Variants in GRIA2 observed in about 807,000 individuals in gnomAD.
The protein encoded by GRIA2 is glutamate receptor 2.
In GRIA2, 14 loss-of-function variants were observed where a neutral mutation model predicts 97.3. The ratio of observed to expected loss-of-function variants is 0.14; its 90% confidence interval spans 0.10 to 0.23. The LOEUF is 0.23. GRIA2 is among the 10% of genes least tolerant of loss of function. The pLI is 1.00. For synonymous variants in GRIA2, 412 were observed against 387.8 expected, an observed-to-expected ratio of 1.06 and a Z score of -0.73; for missense variants, 558 against 1,069.8, an observed-to-expected ratio of 0.52 and a Z score of 6.67.
intron 5 of GRIA2, among the ~76,000 whole-genome samples, chr4:157,318,470 G>C (rs990301400): frequency 6.6e-6 from 1 of 151,950 alleles, no homozygotes; most frequent in South Asian, 2.1e-4. Context: ...GTCAAAATAA[G>C]GACCACTTAA....
chr4:157,322,856 C>T (rs1734636966), intron 6 of GRIA2, among the ~76,000 whole-genome samples: 1 of 152,140 alleles, frequency 6.6e-6, no homozygotes. Flanking sequence ...AGGTGCATGA[C>T]TGTCTATGAG....
At chr4:157,323,427 G>GGATA (rs1734672951) in intron 6 of GRIA2, among the ~76,000 whole-genome samples, 2 of 148,336 alleles carry the variant, frequency 1.3e-5, no homozygotes, top group Non-Finnish European at 3.0e-5. Context: ...GCAGGTAGAT[G>GGATA]GATACCCAGA....
chr4:157,297,495 TC>T lies in GRIA2; in HGVS notation c.230-6054del, dbSNP rs374754200. Among the ~76,000 whole-genome samples, 91 of 152,310 alleles carry T rather than the reference TC, an allele frequency of 6.0e-4. No homozygotes were observed. In the East Asian group the frequency reaches 0.011, roughly 18 times the overall value. Reference sequence around the variant, plus strand: ...TTATGTTTACTTTAATACTTCCCTGTCCCACAATGAGGCAGGTAGGTAATAT... The same window carrying T: ...TTATGTTTACTTTAATACTTCCCTGTCCACAATGAGGCAGGTAGGTAATAT... On this transcript the variant is annotated intron_variant, in intron 2 of 15. Transcript: ENST00000264426.
intron 2 of GRIA2, among the ~76,000 whole-genome samples, chr4:157,302,239 G>C (rs936414326): frequency 6.6e-6 from 1 of 151,608 alleles, no homozygotes. Flanking sequence ...ACTGTTCTGC[G>C]GATCGTCAGT....
At chr4:157,325,387 G>A (rs902206001) in intron 6 of GRIA2, among the ~76,000 whole-genome samples, 1 of 151,882 alleles carries the variant, frequency 6.6e-6, no homozygotes, top group Non-Finnish European at 1.5e-5. Flanking sequence ...TGCTATTTGG[G>A]GCAACATTCA....
chr4:157,232,795 G>A lies in GRIA2; in HGVS notation c.229+10988G>A, dbSNP rs142746772. On this transcript the variant is annotated intron_variant, in intron 2 of 15. Transcript: ENST00000264426. ...AAAAATTGATTCGTTGTAGTTTGTA[G>A]CCTTGGTGTCTTGGGATACAGAATA... 6.8e-4 allele frequency among the ~76,000 whole-genome samples: 103 copies of A among 152,214 alleles called. 1 individual carries two copies. Among genetic ancestry groups the A allele is most frequent in the African/African-American group, 2.3e-3 (96 of 41,526 alleles).
intron 2 of GRIA2, among the ~76,000 whole-genome samples, chr4:157,247,544 C>T (rs146168218): frequency 1.4e-3 from 208 of 149,458 alleles, no homozygotes; most frequent in African/African-American, 4.9e-3. Flanking sequence ...TACGTAATCA[C>T]ACAAGAGGAC....
intron 2 of GRIA2, among the ~76,000 whole-genome samples, chr4:157,262,611 C>A: frequency 6.6e-6 from 1 of 152,048 alleles, no homozygotes; most frequent in East Asian, 1.9e-4. Context: ...CCCCCAATTT[C>A]AACCCAGTTT....
intron 2 of GRIA2, among the ~76,000 whole-genome samples, chr4:157,238,754 TAAGTA>T (rs930636183): frequency 5.3e-5 from 8 of 152,250 alleles, no homozygotes; most frequent in Non-Finnish European, 7.4e-5. Flanking sequence ...AGCGTTTAGT[TAAGTA>T]AATCAATTTC....
intron 12 of GRIA2, among the ~76,000 whole-genome samples, chr4:157,356,850 A>G (rs1324354917): frequency 6.6e-6 from 1 of 152,138 alleles, no homozygotes; most frequent in East Asian, 1.9e-4. Context: ...GTAGACCACA[A>G]ATATATGAAT....
At chr4:157,291,596 G>T (rs1280922795) in intron 2 of GRIA2, among the ~76,000 whole-genome samples, 1 of 151,914 alleles carries the variant, frequency 6.6e-6, no homozygotes, top group East Asian at 1.9e-4. Context: ...AAATGCATCA[G>T]ATAATTATTG....
chr4:157,296,546 A>G (rs1051633484), intron 2 of GRIA2, among the ~76,000 whole-genome samples: 2 of 152,146 alleles, frequency 1.3e-5, no homozygotes, highest in East Asian at 1.9e-4. Context: ...GTACATCTCT[A>G]TATATTATCT....
chr4:157,280,073 C>T (rs1037385173), intron 2 of GRIA2, among the ~76,000 whole-genome samples: 2 of 152,016 alleles, frequency 1.3e-5, no homozygotes, highest in Non-Finnish European at 2.9e-5. Context: ...TGCCATAAGC[C>T]GAGATCACGC....
chr4:157,337,266 A>G lies in GRIA2; in HGVS notation c.1844+519A>G, dbSNP rs77177406. Among the ~76,000 whole-genome samples, 1,334 of 152,150 alleles carry G rather than the reference A, an allele frequency of 8.8e-3. 53 individuals carry two copies. Among genetic ancestry groups the G allele is most frequent in the Admixed American group, 0.067 (1,025 of 15,264 alleles). On this transcript the variant is annotated intron_variant, in intron 11 of 15. Coordinates refer to ENST00000264426, the MANE Select transcript of GRIA2 (RefSeq NM_001083619.3). ...GGTGAGGTTGCTGGATTAATATAAT[A>G]GCATATTTTCAACTACCCACAAATG...
intron 2 of GRIA2, among the ~76,000 whole-genome samples, chr4:157,253,140 AG>A (rs1294135449): frequency 6.6e-6 from 1 of 150,824 alleles, no homozygotes; most frequent in Non-Finnish European, 1.5e-5. Flanking sequence ...TTTTTGAGAC[AG>A]GGTCTTGCTG....
At chr4:157,309,312 T>C (rs1293215899) in intron 3 of GRIA2, among the ~76,000 whole-genome samples, 2 of 151,514 alleles carry the variant, frequency 1.3e-5, no homozygotes, top group East Asian at 1.9e-4. Flanking sequence ...TTTTGACACG[T>C]AGAACAAATG....
At chr4:157,315,515 T>TTTG (rs1553955009) in intron 4 of GRIA2, among the ~76,000 whole-genome samples, 8 of 147,480 alleles carry the variant, frequency 5.4e-5, no homozygotes, top group African/African-American at 1.5e-4. Context: ...ATGGGTTTTT[T>TTTG]TTTGTTTGTT....
In GRIA2 at chr4:157,332,886, A is replaced by G. The variant is rs1306244254; in HGVS notation, c.950A>G (p.Gln317Arg). 1.2e-6 allele frequency: 2 copies of G among 1,612,560 alleles called. No individual in the cohort carries two copies. The highest frequency in any genetic ancestry group is 1.7e-6 in the Non-Finnish European group (2 of 1,178,984). Residue 317 changes from glutamine (Q) to arginine (R), a missense_variant, in exon 7 of 16, where the codon CAA (glutamine) becomes CGA (arginine). Around this residue, in one of 8 missense-constraint regions of GRIA2, gnomAD observed 173 missense variants for 209.1 expected, o/e 0.83. Coordinates refer to ENST00000264426, the MANE Select transcript of GRIA2 (RefSeq NM_001083619.3). Reference protein sequence around the residue: ...MTEAFRNLRKQRIEISRRGNA... With the variant: ...MTEAFRNLRKRRIEISRRGNA... ...GAAGCCTTCCGCAACCTAAGGAAGC[A>G]AAGAATTGAAATCTCCCGAAGGGGG...
At chr4:157,350,004 A>G (rs1450623856) in intron 12 of GRIA2, among the ~76,000 whole-genome samples, 1 of 152,156 alleles carries the variant, frequency 6.6e-6, no homozygotes, top group Non-Finnish European at 1.5e-5. Flanking sequence ...TGAGTTAATC[A>G]TCCAAACAAT....
Sources: gnomAD v4.1 joint callset for allele counts (sites outside exome capture counted in the v4.1 genomes callset) on GRCh38, gnomAD v4.1.1 for gene constraint, gnomAD v4.1.1 regional missense constraint, MANE v1.5 for transcripts, NCBI Gene and HGNC (gene_info 2026-07-23, HGNC 2026-07-21) for gene names.